The following SLC24A2 variants were observed in gnomAD, a reference collection of about 807,000 sequenced individuals.
SLC24A2 encodes the protein sodium/potassium/calcium exchanger 2.
Under a neutral mutation model 62.0 loss-of-function variants are expected in SLC24A2, and 36 were observed. That is an observed-to-expected ratio of 0.58 (90% CI 0.44 to 0.77). The LOEUF (loss-of-function observed/expected upper bound fraction) is 0.77. SLC24A2 is among the 30% of genes least tolerant of loss of function. SLC24A2 has a pLI of 0.00. For missense variants in SLC24A2, 846 were observed against 817.9 expected (o/e 1.03, Z -0.42); for synonymous variants, 358 against 294.0 (o/e 1.22, Z -2.23).
At chr9:19,966,956 G>A in the SLC24A2 span, among the ~76,000 whole-genome samples, 1 of 152,102 alleles carries the variant, frequency 6.6e-6, no homozygotes, top group East Asian at 1.9e-4. Flanking sequence ...AAGCCTGGAA[G>A]AATTTCTGAA....
the SLC24A2 span, among the ~76,000 whole-genome samples, chr9:20,271,978 G>A: frequency 1.6e-3 from 124 of 77,644 alleles, 3 homozygotes; most frequent in East Asian, 0.055. Flanking sequence ...GAGGGGGAAA[G>A]GTTAAACTAT....
the SLC24A2 span, among the ~76,000 whole-genome samples, chr9:20,283,753 G>A: frequency 2.7e-4 from 31 of 115,678 alleles, 1 homozygote; most frequent in East Asian, 0.011. Flanking sequence ...AAAAAAAAAG[G>A]GGGGGGGGGG....
At chr9:19,519,055 T>C (rs1833068951) in intron 10 of SLC24A2, among the ~76,000 whole-genome samples, 1 of 152,158 alleles carries the variant, frequency 6.6e-6, no homozygotes. Flanking sequence ...TTAATAATCC[T>C]ATAAATGATA....
At chr9:20,040,194 G>A in the SLC24A2 span, among the ~76,000 whole-genome samples, 3 of 152,174 alleles carry the variant, frequency 2.0e-5, no homozygotes, top group Admixed American at 1.3e-4. Flanking sequence ...AGTCAAGAGC[G>A]ATGGAACGAT....
the SLC24A2 span, among the ~76,000 whole-genome samples, chr9:20,279,941 A>G: frequency 6.6e-6 from 1 of 152,216 alleles, no homozygotes; most frequent in Non-Finnish European, 1.5e-5. Flanking sequence ...ACTGAGGATC[A>G]GGACTTTGAG....
intron 2 of SLC24A2, among the ~76,000 whole-genome samples, chr9:19,645,298 T>C (rs1243792438): frequency 6.6e-6 from 1 of 152,230 alleles, no homozygotes; most frequent in Non-Finnish European, 1.5e-5. Context: ...ATATCTTGTA[T>C]TGGTGGTTCA....
the SLC24A2 span, among the ~76,000 whole-genome samples, chr9:19,838,201 G>T: frequency 2.0e-5 from 3 of 152,120 alleles, no homozygotes; most frequent in Non-Finnish European, 4.4e-5. Flanking sequence ...AAACAGCATG[G>T]AACTGGTACC....
chr9:20,219,631 G>A, the SLC24A2 span, among the ~76,000 whole-genome samples: 1 of 152,228 alleles, frequency 6.6e-6, no homozygotes, highest in Admixed American at 6.5e-5. Context: ...TCTTCCTCAG[G>A]AAGATCAATG....
chr9:19,598,084 G>C (rs1042050079), intron 4 of SLC24A2, among the ~76,000 whole-genome samples: 3 of 152,144 alleles, frequency 2.0e-5, no homozygotes, highest in African/African-American at 4.8e-5. Context: ...GCAGTTGAGG[G>C]GAGAGAAGGA....
At chr9:19,941,801 T>C in the SLC24A2 span, among the ~76,000 whole-genome samples, 1 of 152,200 alleles carries the variant, frequency 6.6e-6, no homozygotes, top group South Asian at 2.1e-4. Context: ...TGCCAGACCG[T>C]TCTGTTTCCA....
At chr9:19,634,186 G>A (rs1464831654) in intron 2 of SLC24A2, among the ~76,000 whole-genome samples, 3 of 151,672 alleles carry the variant, frequency 2.0e-5, no homozygotes, top group African/African-American at 4.8e-5. Flanking sequence ...GGGGTAAAAG[G>A]CTGAGTGAGG....
At chr9:20,031,351 TTATATATA>T in the SLC24A2 span, among the ~76,000 whole-genome samples, 219 of 141,628 alleles carry the variant, frequency 1.5e-3, 1 homozygote, top group South Asian at 6.2e-3. Context: ...TACACACACT[TTATATATA>T]TATATATATA....
chr9:20,232,009 T>G, the SLC24A2 span, among the ~76,000 whole-genome samples: 2 of 152,234 alleles, frequency 1.3e-5, no homozygotes, highest in African/African-American at 4.8e-5. Flanking sequence ...GTTTTTGTCT[T>G]TGGTTCTGTT....
the SLC24A2 span, among the ~76,000 whole-genome samples, chr9:19,971,111 A>G: frequency 6.6e-6 from 1 of 152,216 alleles, no homozygotes; most frequent in Non-Finnish European, 1.5e-5. Flanking sequence ...TACCATAGCC[A>G]TAAGCATGTA....
chr9:19,568,473 G>C (rs773168006), intron 7 of SLC24A2, among the ~76,000 whole-genome samples: 9 of 152,172 alleles, frequency 5.9e-5, no homozygotes, highest in Non-Finnish European at 1.2e-4. Flanking sequence ...ATGTTACTCA[G>C]TACTGCTAAT....
chr9:20,222,804 A>G, the SLC24A2 span, among the ~76,000 whole-genome samples: 2 of 152,132 alleles, frequency 1.3e-5, no homozygotes, highest in African/African-American at 4.8e-5. Context: ...TGCCAACTAG[A>G]ATTATAAATG....
chr9:19,543,806 G>A (rs1834406906), intron 8 of SLC24A2, among the ~76,000 whole-genome samples: 2 of 152,064 alleles, frequency 1.3e-5, no homozygotes, highest in Admixed American at 1.3e-4. Flanking sequence ...TGTTTGTTAT[G>A]ATTTCCATTC....
chr9:19,664,261 C>T (rs369963191), intron 2 of SLC24A2, among the ~76,000 whole-genome samples: 4 of 152,192 alleles, frequency 2.6e-5, no homozygotes, highest in East Asian at 1.9e-4. Context: ...TGTTTCACAA[C>T]GGCTTTGATG....
chr9:19,679,880 G>C (rs1490818451), intron 2 of SLC24A2, among the ~76,000 whole-genome samples: 2 of 139,154 alleles, frequency 1.4e-5, no homozygotes, highest in South Asian at 4.9e-4. Context: ...GTGTGTGTGT[G>C]TGTCTGTGTC....
Sources: gnomAD v4.1 joint callset for allele counts (sites outside exome capture counted in the v4.1 genomes callset) on GRCh38, gnomAD v4.1.1 for gene constraint, MANE v1.5 for transcripts, NCBI Gene and HGNC (gene_info 2026-07-23, HGNC 2026-07-21) for gene names.